SLC35D4: variants seen among roughly 807,000 people sequenced by gnomAD.
SLC35D4 encodes the protein solute carrier family 35 member D4.
the SLC35D4 span, among the ~76,000 whole-genome samples, chr18:23,247,125 CT>C: frequency 3.3e-5 from 5 of 152,242 alleles, no homozygotes; most frequent in African/African-American, 1.2e-4. Flanking sequence ...GCTCAATCTC[CT>C]AGTACAGCCT....
the SLC35D4 span, among the ~76,000 whole-genome samples, chr18:23,380,678 T>C: frequency 6.6e-6 from 1 of 152,130 alleles, no homozygotes; most frequent in Non-Finnish European, 1.5e-5. Context: ...CCTGAACAAA[T>C]GAATAAACAA....
the SLC35D4 span, among the ~76,000 whole-genome samples, chr18:23,295,568 A>G: frequency 6.6e-6 from 1 of 152,134 alleles, no homozygotes; most frequent in Non-Finnish European, 1.5e-5. Context: ...CATATGTGTT[A>G]AGGTCACTCT....
At chr18:23,300,326 G>A in the SLC35D4 span, among the ~76,000 whole-genome samples, 54,506 of 152,018 alleles carry the variant, frequency 0.36, 11,110 homozygotes, top group Non-Finnish European at 0.46. Flanking sequence ...CACCACGACC[G>A]GATGCAAGGG....
chr18:23,260,967 G>T, the SLC35D4 span, among the ~76,000 whole-genome samples: 2 of 152,154 alleles, frequency 1.3e-5, no homozygotes, highest in South Asian at 2.1e-4. Flanking sequence ...ACAGCCCAGC[G>T]GAAGGGACCC....
chr18:23,246,120 C>T, the SLC35D4 span, among the ~76,000 whole-genome samples: 11 of 152,180 alleles, frequency 7.2e-5, no homozygotes, highest in South Asian at 4.2e-4. Context: ...AAAAATTAGC[C>T]GGGTGTGGTG....
chr18:23,253,713 GCCTGTCTTTCT>G, the SLC35D4 span: 1 of 1,610,786 alleles, frequency 6.2e-7, no homozygotes, highest in South Asian at 1.1e-5. Flanking sequence ...GTTCCCTCTT[GCCTGTCTTTCT>G]CCAGTCTGAA....
the SLC35D4 span, chr18:23,297,849 C>G: frequency 5.0e-6 from 4 of 803,092 alleles, no homozygotes; most frequent in African/African-American, 3.4e-5. Flanking sequence ...ACCACATTCA[C>G]TTGGGTGAGG....
the SLC35D4 span, chr18:23,365,530 G>A: frequency 7.4e-7 from 1 of 1,343,074 alleles, no homozygotes. Flanking sequence ...GTCATCCTGG[G>A]GGGCAATGAC....
the SLC35D4 span, among the ~76,000 whole-genome samples, chr18:23,378,276 A>T: frequency 4.0e-5 from 6 of 150,746 alleles, no homozygotes; most frequent in Non-Finnish European, 8.8e-5. Flanking sequence ...GCCTCAAGCG[A>T]TTCTCCTGCC....
chr18:23,398,029 T>C, the SLC35D4 span, among the ~76,000 whole-genome samples: 5 of 152,192 alleles, frequency 3.3e-5, no homozygotes, highest in African/African-American at 4.8e-5. Context: ...GCCACTGCAC[T>C]CTAGCCTGAG....
At chr18:23,421,273 T>C in the SLC35D4 span, 2 of 1,027,530 alleles carry the variant, frequency 1.9e-6, no homozygotes. Flanking sequence ...TAAATAAACC[T>C]CTGTGCTTCC....
At chr18:23,244,193 C>T in the SLC35D4 span, among the ~76,000 whole-genome samples, 1 of 152,066 alleles carries the variant, frequency 6.6e-6, no homozygotes, top group Non-Finnish European at 1.5e-5. Context: ...CTGGTGTCAT[C>T]TCAAGTGGAT....
At chr18:23,367,768 T>TA in the SLC35D4 span, among the ~76,000 whole-genome samples, 6 of 151,868 alleles carry the variant, frequency 4.0e-5, no homozygotes, top group Non-Finnish European at 8.8e-5. Flanking sequence ...ATACTTTTTT[T>TA]TTTTTTTGAG....
At chr18:23,329,367 A>T in the SLC35D4 span, among the ~76,000 whole-genome samples, 1 of 152,242 alleles carries the variant, frequency 6.6e-6, no homozygotes, top group Non-Finnish European at 1.5e-5. Flanking sequence ...CAAGAAAAAA[A>T]CAAACCACCC....
chr18:23,257,105 C>A, the SLC35D4 span: 1 of 1,109,884 alleles, frequency 9.0e-7, no homozygotes, highest in Non-Finnish European at 1.3e-6. Flanking sequence ...CTCCACAGAG[C>A]TTTGCCCAAA....
chr18:23,386,295 C>G, the SLC35D4 span, among the ~76,000 whole-genome samples: 3 of 152,010 alleles, frequency 2.0e-5, no homozygotes, highest in African/African-American at 4.8e-5. Context: ...TGGGTGGGCC[C>G]TAAATGCAGT....
the SLC35D4 span, among the ~76,000 whole-genome samples, chr18:23,404,053 G>C: frequency 6.6e-6 from 1 of 152,068 alleles, no homozygotes; most frequent in African/African-American, 2.4e-5. Context: ...GGAAGGCAGA[G>C]ATTGCAGTGA....
the SLC35D4 span, among the ~76,000 whole-genome samples, chr18:23,277,673 G>C: frequency 6.6e-6 from 1 of 152,184 alleles, no homozygotes; most frequent in Admixed American, 6.6e-5. Flanking sequence ...AGGAGAGAGA[G>C]ATTAAACTCA....
the SLC35D4 span, among the ~76,000 whole-genome samples, chr18:23,246,549 A>G: frequency 0.65 from 97,718 of 150,884 alleles, 33,520 homozygotes; most frequent in African/African-American, 0.89. Flanking sequence ...CCGCCACCAC[A>G]CCCGGCTAAT....
Sources: allele counts gnomAD v4.1 joint callset (sites outside exome capture counted in the v4.1 genomes callset), GRCh38; gene constraint gnomAD v4.1.1; transcripts MANE v1.5; gene names NCBI Gene and HGNC (gene_info 2026-07-23, HGNC 2026-07-21).